GABRG3: variants seen among roughly 807,000 people sequenced by gnomAD.
GABRG3 encodes gamma-aminobutyric acid type A receptor subunit gamma3.
Under a neutral mutation model 48.8 loss-of-function variants are expected in GABRG3, and 25 were observed. That is an observed-to-expected ratio of 0.51 (90% CI 0.37 to 0.72). The LOEUF (loss-of-function observed/expected upper bound fraction) is 0.72, where lower values mean the gene tolerates loss of function less well. Ranked by LOEUF, GABRG3 falls within the 30% of genes least tolerant of loss-of-function variation. GABRG3 has a pLI of 0.00. For synonymous variants in GABRG3, 227 were observed against 217.6 expected, an observed-to-expected ratio of 1.04 and a Z score of -0.38; for missense variants, 394 against 577.9, an observed-to-expected ratio of 0.68 and a Z score of 3.26.
rs187788177 is a variant in GABRG3, at chr15:27,133,169, A to G, written c.270+106348A>G. ...TTCTATTATTGAGATTTTTTTCCCT[A>G]AACTATAGAGAAAAGTGAATATGAT... On this transcript the variant is annotated intron_variant, in intron 3 of 9. Transcript: ENST00000615808. Among the ~76,000 whole-genome samples the G allele has an allele frequency of 5.9e-5, 9 of 152,142 alleles. No individual in the cohort carries two copies. In the East Asian group the frequency reaches 1.7e-3, roughly 29 times the overall value.
chr15:27,284,925 A>G (rs1436740712), intron 3 of GABRG3, among the ~76,000 whole-genome samples: 2 of 152,194 alleles, frequency 1.3e-5, no homozygotes, highest in African/African-American at 4.8e-5. Context: ...CAGGAAAGAA[A>G]CTTGTTGAAA....
At chr15:27,026,615 A>G in intron 2 of GABRG3, 139 bp from the exon 3 acceptor site, 1 of 480,288 alleles carries the variant, frequency 2.1e-6, no homozygotes, top group Non-Finnish European at 3.7e-6. Context: ...ATTACAAGAG[A>G]AGTCCCAAAG....
rs1055298466 is a variant in GABRG3, at chr15:27,466,613, T to C, written c.575-14037T>C. Among the ~76,000 whole-genome samples the C allele has an allele frequency of 1.1e-3, 169 of 152,330 alleles. 2 individuals are homozygous for C. The highest frequency in any genetic ancestry group is 3.5e-3 in the African/African-American group (147 of 41,580). ...CCGGGAAGCTACCACTTAACACTTA[T>C]CATTCAAAACAAATATCACTCTTCT... On this transcript the variant is annotated intron_variant, in intron 5 of 9. Transcript: ENST00000615808.
At chr15:27,210,499 C>T (rs994055186) in intron 3 of GABRG3, among the ~76,000 whole-genome samples, 1 of 152,152 alleles carries the variant, frequency 6.6e-6, no homozygotes, top group African/African-American at 2.4e-5. Flanking sequence ...CATACACATG[C>T]ACACACGCGT....
intron 5 of GABRG3, among the ~76,000 whole-genome samples, chr15:27,348,155 C>CAA (rs535295684): frequency 4.9e-5 from 5 of 102,976 alleles, no homozygotes; most frequent in African/African-American, 1.8e-4. Context: ...GACTCCATCT[C>CAA]AAATAAATAA....
intron 5 of GABRG3, among the ~76,000 whole-genome samples, chr15:27,351,448 GGTGT>G (rs1221099635): frequency 1.4e-5 from 2 of 145,226 alleles, no homozygotes; most frequent in Non-Finnish European, 1.5e-5. Context: ...GTGTGTATAT[GGTGT>G]GTGTGTTTGT....
rs1211763985 is a variant in GABRG3 at position 27,179,860 on chromosome 15, G to A, written c.271-146949G>A. On this transcript the variant is annotated intron_variant, in intron 3 of 9. Transcript: ENST00000615808. This position sits in a 1 kb window ranked among gnomAD's most constrained non-coding sequence, Gnocchi z 4.0. Reference sequence around the variant, plus strand: ...AAGAGAGACAGTGGGGTCCTCTTAGGCCTTGTGTGCATAAAATAAGCTGAA... The same window carrying A: ...AAGAGAGACAGTGGGGTCCTCTTAGACCTTGTGTGCATAAAATAAGCTGAA... Among the ~76,000 whole-genome samples the A allele has an allele frequency of 6.6e-6, 1 of 152,156 alleles. No homozygotes were observed. Among genetic ancestry groups the A allele is most frequent in the Admixed American group, 6.5e-5 (1 of 15,284 alleles).
At chr15:27,114,888 CAGATGTAATT>C (rs932085194) in intron 3 of GABRG3, among the ~76,000 whole-genome samples, 17 of 151,986 alleles carry the variant, frequency 1.1e-4, no homozygotes, top group African/African-American at 3.6e-4. Context: ...ATGGAACTCG[CAGATGTAATT>C]AGCATTTGCA....
At chr15:27,178,750 T>C (rs1887826675) in intron 3 of GABRG3, among the ~76,000 whole-genome samples, 1 of 152,136 alleles carries the variant, frequency 6.6e-6, no homozygotes, top group Non-Finnish European at 1.5e-5. Context: ...GCAAGGCATA[T>C]CGGTCTAGAT....
chr15:27,310,365 GAC>G (rs1424057781), intron 3 of GABRG3, among the ~76,000 whole-genome samples: 6 of 152,018 alleles, frequency 3.9e-5, no homozygotes, highest in Admixed American at 3.9e-4. Context: ...AAACTTGAAA[GAC>G]ACTATTTTCA....
intron 5 of GABRG3, among the ~76,000 whole-genome samples, chr15:27,442,254 C>G (rs1354332028): frequency 2.6e-5 from 4 of 152,172 alleles, no homozygotes; most frequent in African/African-American, 7.2e-5. Flanking sequence ...CAGGATTCAG[C>G]TAAATCAGCT....
At chr15:27,497,326 G>A (rs535915013) in intron 6 of GABRG3, among the ~76,000 whole-genome samples, 60 of 152,182 alleles carry the variant, frequency 3.9e-4, no homozygotes, top group South Asian at 2.3e-3. Flanking sequence ...TTTCTCTTAC[G>A]AAAGACTCAC....
chr15:27,384,364 G>A (rs1056606770), intron 5 of GABRG3, among the ~76,000 whole-genome samples: 2 of 152,112 alleles, frequency 1.3e-5, no homozygotes, highest in African/African-American at 4.8e-5. Flanking sequence ...CTCAGGAATT[G>A]CATTAAGTGA....
intron 5 of GABRG3, among the ~76,000 whole-genome samples, chr15:27,470,660 A>G (rs1456049724): frequency 6.6e-6 from 1 of 151,304 alleles, no homozygotes; most frequent in African/African-American, 2.4e-5. Context: ...ATTCTTTATT[A>G]GCATAATTAG....
At chr15:27,388,319 A>AGGGG (rs1344067436) in intron 5 of GABRG3, among the ~76,000 whole-genome samples, 1 of 36,986 alleles carries the variant, frequency 2.7e-5, no homozygotes, top group Non-Finnish European at 4.9e-5. Flanking sequence ...GGAGGGAGGG[A>AGGGG]AAAGAAGGAA....
chr15:27,060,724 A>G (rs1344556983), intron 3 of GABRG3, among the ~76,000 whole-genome samples: 1 of 152,194 alleles, frequency 6.6e-6, no homozygotes, highest in Non-Finnish European at 1.5e-5. Context: ...GGTGTAAGGA[A>G]GGAGGGACCT....
chr15:27,327,093 T>C, intron 4 of GABRG3, 64 bp downstream of exon 4: 1 of 1,369,278 alleles, frequency 7.3e-7, no homozygotes. Context: ...TTTGAATCAC[T>C]GTAGGAATGA....
At chr15:27,333,958 A>G (rs28564251) in intron 5 of GABRG3, among the ~76,000 whole-genome samples, 58,809 of 152,148 alleles carry the variant, frequency 0.39, 12,230 homozygotes, top group Middle Eastern at 0.62. Flanking sequence ...TGTTTTGAAA[A>G]TAATTTGTTT....
At chr15:27,069,122 G>A (rs1896785382) in intron 3 of GABRG3, among the ~76,000 whole-genome samples, 1 of 152,202 alleles carries the variant, frequency 6.6e-6, no homozygotes, top group Admixed American at 6.5e-5. Context: ...TTGCAGTTCT[G>A]TGCCACAAGG....
Sources: gnomAD v4.1 joint callset for allele counts (sites outside exome capture counted in the v4.1 genomes callset) on GRCh38, gnomAD v4.1.1 for gene constraint, Gnocchi (gnomAD v3.1) non-coding constraint, MANE v1.5 for transcripts, NCBI Gene and HGNC (gene_info 2026-07-23, HGNC 2026-07-21) for gene names.